WIPI2: variants seen among roughly 807,000 people sequenced by gnomAD.
WIPI2 encodes the protein WD repeat domain phosphoinositide-interacting protein 2.
Under a neutral mutation model 52.3 loss-of-function variants are expected in WIPI2, and 28 were observed. That is an observed-to-expected ratio of 0.54 (90% CI 0.40 to 0.73). The LOEUF is 0.73. Among genes scored for constraint, WIPI2 ranks in the 30% least tolerant of loss-of-function variants. The pLI is 0.00. For synonymous variants in WIPI2, 268 were observed against 245.0 expected (o/e 1.09, Z -0.88); for missense variants, 506 against 602.9 (o/e 0.84, Z 1.68).
Position 5,214,667 on chromosome 7 carries a change from A to G in WIPI2, c.344A>G (p.Tyr115Cys), listed in dbSNP as rs1460432083. 6.2e-7 allele frequency: 1 copy of G among 1,614,188 alleles called. No homozygotes were observed. The change falls in exon 4 of 13, where the codon TAC (tyrosine) becomes TGC (cysteine). Residue 115 changes from tyrosine (Y) to cysteine (C), a missense_variant. Coordinates refer to ENST00000288828, the MANE Select transcript of WIPI2 (RefSeq NM_015610.4). Reference sequence around the variant, plus strand: ...GGAACTGAGATCTGCAACTACAGCTACTCCAACACGATTCTGGCTGTGAAG... The same window carrying G: ...GGAACTGAGATCTGCAACTACAGCTGCTCCAACACGATTCTGGCTGTGAAG... ...KKGTEICNYSYSNTILAVKLN... is the reference protein window; with the variant it reads ...KKGTEICNYSCSNTILAVKLN...
chr7:5,226,011 G>A lies in WIPI2; in HGVS notation c.848+81G>A, dbSNP rs952197245. 89 of 1,357,936 alleles carry A rather than the reference G, an allele frequency of 6.6e-5. No individual in the cohort carries two copies. In the East Asian group the frequency reaches 2.0e-3, roughly 30 times the overall value. 84.1% of individuals were successfully genotyped at this position (1,357,936 alleles called of 1,614,324 possible). A position where few individuals can be genotyped will look rare whatever the true frequency, so the allele number is the denominator to read the frequency against. ...TGCTGCCGGGATGAGAGGTAAGCAC[G>A]GACCCGCCCACCCTCTGACATCGTT... On this transcript the variant is annotated intron_variant, in intron 9 of 12. Coordinates refer to ENST00000288828, the MANE Select transcript of WIPI2 (RefSeq NM_015610.4).
chr7:5,204,804 C>G (rs567310050), intron 3 of WIPI2, among the ~76,000 whole-genome samples: 170 of 152,240 alleles, frequency 1.1e-3, no homozygotes, highest in African/African-American at 3.7e-3. Context: ...CCCCTTCTTG[C>G]ATAGCTGGGA....
At chr7:5,212,849 G>A (rs1260562690) in intron 3 of WIPI2, among the ~76,000 whole-genome samples, 4 of 152,248 alleles carry the variant, frequency 2.6e-5, no homozygotes, top group African/African-American at 9.6e-5. Flanking sequence ...CGCCTAGCAA[G>A]CAGGGCTGCC....
At chr7:5,200,562 T>TC (rs948808900) in intron 3 of WIPI2, among the ~76,000 whole-genome samples, 10 of 1,624 alleles carry the variant, frequency 6.2e-3, no homozygotes, top group Non-Finnish European at 0.02. Context: ...TTTTTGTTTG[T>TC]TTTTTTTTGA....
chr7:5,217,706 A>T (rs780982578), intron 6 of WIPI2: 1 of 573,794 alleles, frequency 1.7e-6, no homozygotes, highest in Non-Finnish European at 3.1e-6. Context: ...TTGAAGGAAC[A>T]TAGAAAACCT....
Position 5,222,600 on chromosome 7 carries a change from A to G in WIPI2, c.670-2A>G. ...TTCTTCTTTTCTCTTTTCCTTCCAC[A>G]GGGGACCGTGATTAGGGTATTTTCC... On this transcript the variant is annotated splice_acceptor_variant, in intron 7 of 12. Transcript: ENST00000288828. LOFTEE classifies it high-confidence loss of function. 6.2e-7 allele frequency: 1 copy of G among 1,613,724 alleles called. No individual in the cohort carries two copies. Among genetic ancestry groups the G allele is most frequent in the Non-Finnish European group, 8.5e-7 (1 of 1,179,688 alleles).
In WIPI2 at chr7:5,214,781, A is replaced by G. The variant is rs1281459233; in HGVS notation, c.381+77A>G. The G allele has an allele frequency of 1.6e-5, 24 of 1,530,052 alleles. No homozygotes were observed. The East Asian group carries it at 1.8e-4, about 11-fold the overall frequency. 94.8% of individuals were successfully genotyped at this position (1,530,052 alleles called of 1,614,324 possible). ...TCTGGGACAAGCCCACCCCACCGGC[A>G]TGCCCCTCCGTCATTCCCTTGCTGC... On this transcript the variant is annotated intron_variant, in intron 4 of 12. Transcript: ENST00000288828.
At chr7:5,215,918 C>G (rs980167527) in intron 4 of WIPI2, among the ~76,000 whole-genome samples, 4 of 152,194 alleles carry the variant, frequency 2.6e-5, no homozygotes, top group South Asian at 4.1e-4. Context: ...TTTAAAACCC[C>G]CTTATTTTCA....
intron 1 of WIPI2, 152 bp from the exon 2 acceptor site, chr7:5,192,966 G>C: frequency 1.5e-6 from 1 of 672,794 alleles, no homozygotes; most frequent in Non-Finnish European, 2.5e-6. Flanking sequence ...TTTTGTATTT[G>C]TTACATACCA....
At chr7:5,217,851 A>G in intron 6 of WIPI2, 71 bp from the exon 7 acceptor site, 6 of 1,480,716 alleles carry the variant, frequency 4.1e-6, no homozygotes, top group Non-Finnish European at 5.7e-6. Context: ...GCACTTGCGG[A>G]CCAAGTGTCA....
At chr7:5,226,917 G>C in intron 9 of WIPI2, 1 of 482,036 alleles carries the variant, frequency 2.1e-6, no homozygotes, top group Non-Finnish European at 3.7e-6. Context: ...GGGGATGTGT[G>C]GTCAGCTGCC....
chr7:5,190,395 G>C lies in WIPI2; in HGVS notation c.-25G>C, dbSNP rs1484206213. 1 of 1,364,174 alleles carries C rather than the reference G, an allele frequency of 7.3e-7. No individual in the cohort carries two copies. Among genetic ancestry groups the C allele is most frequent in the Admixed American group, 3.5e-5 (1 of 28,226 alleles). The allele number at this position is 1,364,174 out of a possible 1,614,324, so 84.5% of individuals were successfully genotyped here. A position where few individuals can be genotyped will look rare whatever the true frequency, so the allele number is the denominator to read the frequency against. On this transcript the variant is annotated 5_prime_UTR_variant, in exon 1 of 13. Transcript: ENST00000288828. ...CCTCGCGCGCGCGCCCTCCCCGGCCGGGCCCACTCGCCGCGCGCCCAGCCA... is the reference window on the plus strand; with the variant it reads ...CCTCGCGCGCGCGCCCTCCCCGGCCCGGCCCACTCGCCGCGCGCCCAGCCA...
intron 9 of WIPI2, chr7:5,226,159 C>T (rs1017677391): frequency 3.8e-6 from 2 of 528,876 alleles, no homozygotes. Flanking sequence ...TAGACAGAGC[C>T]CTCGCGTAGG....
At chr7:5,221,450 A>G (rs1223574826) in intron 7 of WIPI2, among the ~76,000 whole-genome samples, 3 of 152,224 alleles carry the variant, frequency 2.0e-5, no homozygotes, top group Non-Finnish European at 4.4e-5. Context: ...GTGAATGTTG[A>G]ATAATTCTTC....
chr7:5,227,930 G>A lies in WIPI2; in HGVS notation c.1014-174G>A, dbSNP rs527308294. Among the ~76,000 whole-genome samples the A allele has an allele frequency of 3.9e-5, 6 of 152,336 alleles. No homozygotes were observed. The East Asian group carries it at 9.6e-4, about 24-fold the overall frequency. On this transcript the variant is annotated intron_variant, in intron 10 of 12. Transcript: ENST00000288828. This position sits in a 1 kb window ranked among gnomAD's most constrained non-coding sequence, Gnocchi z 8.1. ...CCGTGGGCTTCAGGGCTCAGCACAC[G>A]AGTGCAGCCTTGGCCGTGTGAGCCG... is the stretch of plus-strand genomic sequence containing the variant.
chr7:5,227,334 T>C lies in WIPI2; in HGVS notation c.1003T>C (p.Ser335Pro). The change falls in exon 10 of 13, where the codon TCG (serine) becomes CCG (proline). Residue 335 changes from serine (S) to proline (P), a missense_variant. Ser to Pro is a moderately conservative substitution (Grantham distance 74). Transcript: ENST00000288828. The surrounding 1 kb of genome is among the most constrained non-coding windows in gnomAD (Gnocchi z 8.1). The part of the protein sequence containing the change: ...LPFCGHKNIC[S>P]LATIQKIPRL... ...ATTCTGCGGCCACAAAAACATCTGCTCGCTAGCCACGTGAGTAGAGCCGGC... is the reference window on the plus strand; with the variant it reads ...ATTCTGCGGCCACAAAAACATCTGCCCGCTAGCCACGTGAGTAGAGCCGGC... 1 of 1,613,310 alleles carries C rather than the reference T, an allele frequency of 6.2e-7. No individual in the cohort carries two copies. The highest frequency in any genetic ancestry group is 8.5e-7 in the Non-Finnish European group (1 of 1,180,010).
intron 8 of WIPI2, among the ~76,000 whole-genome samples, chr7:5,224,320 T>A (rs1418061433): frequency 6.6e-6 from 1 of 152,254 alleles, no homozygotes; most frequent in Non-Finnish European, 1.5e-5. Context: ...ATCCTTGGGT[T>A]AAATCCCTTT....
In WIPI2 at chr7:5,229,591, C is replaced by T. The variant is rs747317569; in HGVS notation, c.1122-17C>T. 6.2e-6 allele frequency: 10 copies of T among 1,610,246 alleles called. No individual in the cohort carries two copies. Among genetic ancestry groups the T allele is most frequent in the Admixed American group, 1.7e-5 (1 of 59,570 alleles). On this transcript the variant is annotated splice_polypyrimidine_tract_variant and intron_variant, in intron 11 of 12. Transcript: ENST00000288828. ...CCTGTGTGGAGACGCTGAGCTGTGT[C>T]GCTTTCTTCCCTCCAGGCTGGACGG...
Position 5,231,847 on chromosome 7 carries a change from C to T in WIPI2, c.*900C>T, listed in dbSNP as rs1479999724. On this transcript the variant is annotated 3_prime_UTR_variant, in exon 13 of 13. Transcript: ENST00000288828. ...CCGTCTGAGCTGTCCTTTCGCTGGC[C>T]CCGCTGTCCGCAGGGGCTTCCTACC... The T allele has an allele frequency of 1.8e-5, 4 of 224,250 alleles. No individual in the cohort carries two copies. The highest frequency in any genetic ancestry group is 9.0e-5 in the African/African-American group (4 of 44,248). 13.9% of individuals were successfully genotyped at this position (224,250 alleles called of 1,614,324 possible).
Sources: allele counts gnomAD v4.1 joint callset (sites outside exome capture counted in the v4.1 genomes callset), GRCh38; gene constraint gnomAD v4.1.1; non-coding constraint Gnocchi (gnomAD v3.1); transcripts MANE v1.5; gene names NCBI Gene and HGNC (gene_info 2026-07-23, HGNC 2026-07-21).